Variants in LDB2 observed in about 807,000 individuals in gnomAD.
LDB2 encodes the protein LIM domain binding 2.
LDB2 carries 12 observed loss-of-function variants against 44.3 expected under a neutral mutation model. That is an observed-to-expected ratio of 0.27 (90% CI 0.17 to 0.44). The LOEUF (loss-of-function observed/expected upper bound fraction) is 0.44. Among genes scored for constraint, LDB2 ranks in the 20% least tolerant of loss-of-function variants. The probability of loss-of-function intolerance (pLI) is 1.00; values close to 1 mark genes in which losing one functional copy is unlikely to be tolerated. For missense variants in LDB2, 344 were observed against 473.5 expected, an observed-to-expected ratio of 0.73 and a Z score of 2.54; for synonymous variants, 164 against 174.8, an observed-to-expected ratio of 0.94 and a Z score of 0.49.
intron 5 of LDB2, among the ~76,000 whole-genome samples, chr4:16,514,226 G>T (rs2152246608): frequency 6.6e-6 from 1 of 152,260 alleles, no homozygotes; most frequent in South Asian, 2.1e-4. Flanking sequence ...CCTGTGTCAT[G>T]TAAAACTTTG....
chr4:16,699,853 A>G (rs1753044350), intron 2 of LDB2, among the ~76,000 whole-genome samples: 1 of 152,134 alleles, frequency 6.6e-6, no homozygotes, highest in Admixed American at 6.5e-5. Flanking sequence ...CTCCATTCCC[A>G]ATATGGCGAA....
At chr4:16,512,217 G>T in intron 5 of LDB2, 113 bp from the exon 6 acceptor site, 14 of 1,016,420 alleles carry the variant, frequency 1.4e-5, no homozygotes, top group South Asian at 5.4e-5. Flanking sequence ...TTATTTTCCT[G>T]GTTTTGATTT....
At chr4:16,584,993 C>T (rs1234224639) in intron 5 of LDB2, among the ~76,000 whole-genome samples, 1 of 152,190 alleles carries the variant, frequency 6.6e-6, no homozygotes, top group East Asian at 1.9e-4. Context: ...TCTTTATCTG[C>T]AGGAGGAAGA....
intron 1 of LDB2, among the ~76,000 whole-genome samples, chr4:16,783,260 A>G (rs1259286686): frequency 6.6e-6 from 1 of 152,224 alleles, no homozygotes; most frequent in African/African-American, 2.4e-5. Flanking sequence ...GTCATAGAAG[A>G]GTGATTTATA....
intron 2 of LDB2, among the ~76,000 whole-genome samples, chr4:16,604,915 AATTC>A (rs1191263651): frequency 6.6e-6 from 1 of 152,204 alleles, no homozygotes; most frequent in African/African-American, 2.4e-5. Context: ...CTTATGAATT[AATTC>A]ATTCCTTTCA....
At chr4:16,671,639 A>G (rs1157018954) in intron 2 of LDB2, among the ~76,000 whole-genome samples, 1 of 152,198 alleles carries the variant, frequency 6.6e-6, no homozygotes, top group Non-Finnish European at 1.5e-5. Context: ...ACTTGGACAC[A>G]GAACTCAGAC....
At chr4:16,892,735 A>G (rs892165465) in intron 1 of LDB2, among the ~76,000 whole-genome samples, 2 of 152,180 alleles carry the variant, frequency 1.3e-5, no homozygotes, top group African/African-American at 4.8e-5. Context: ...GGACAATTGT[A>G]ATAAAAAGAG....
chr4:16,726,599 G>C (rs1413033597), intron 2 of LDB2: 1 of 152,172 alleles, frequency 6.6e-6, no homozygotes, highest in East Asian at 1.9e-4. Flanking sequence ...ACGTTCATGT[G>C]CGTTAAGTAA....
intron 2 of LDB2, among the ~76,000 whole-genome samples, chr4:16,728,271 CAAG>C (rs1225266339): frequency 1.3e-5 from 2 of 152,172 alleles, no homozygotes; most frequent in East Asian, 1.9e-4. Flanking sequence ...CTTCATGCAA[CAAG>C]AAGATCTCTT....
chr4:16,786,613 G>A (rs1340789234), intron 1 of LDB2, among the ~76,000 whole-genome samples: 1 of 152,150 alleles, frequency 6.6e-6, no homozygotes, highest in Admixed American at 6.6e-5. Context: ...AGAGAAACTA[G>A]CAAGAGTATA....
chr4:16,657,396 G>T (rs1410250413), intron 2 of LDB2, among the ~76,000 whole-genome samples: 3 of 152,198 alleles, frequency 2.0e-5, no homozygotes, highest in South Asian at 4.2e-4. Context: ...CCACCTAATT[G>T]GTCGTGATGA....
At chr4:16,636,537 T>C (rs1250121656) in intron 2 of LDB2, among the ~76,000 whole-genome samples, 1 of 152,212 alleles carries the variant, frequency 6.6e-6, no homozygotes, top group Non-Finnish European at 1.5e-5. Flanking sequence ...GACAATAAGA[T>C]TGTCATTTAC....
At chr4:16,581,991 GGGAAGGAAGGGAA>G (rs745890223) in intron 5 of LDB2, among the ~76,000 whole-genome samples, 25,628 of 127,348 alleles carry the variant, frequency 0.2, 2,804 homozygotes, top group Middle Eastern at 0.35. Flanking sequence ...AGGGAAGGAA[GGGAAGGAAGGGAA>G]GGAAGGAAGG....
chr4:16,768,887 C>T (rs968878006), intron 1 of LDB2, among the ~76,000 whole-genome samples: 4 of 152,128 alleles, frequency 2.6e-5, no homozygotes, highest in Non-Finnish European at 4.4e-5. Context: ...AAAACTGAGG[C>T]ACTGAGGAGT....
At chr4:16,717,924 G>A (rs577644283) in intron 2 of LDB2, among the ~76,000 whole-genome samples, 6 of 152,164 alleles carry the variant, frequency 3.9e-5, no homozygotes, top group Non-Finnish European at 7.4e-5. Flanking sequence ...CAGTATGACA[G>A]CAATACTTAT....
intron 1 of LDB2, among the ~76,000 whole-genome samples, chr4:16,792,528 G>A (rs1775975803): frequency 1.3e-5 from 2 of 152,170 alleles, no homozygotes; most frequent in South Asian, 4.1e-4. Context: ...GTTGATACCT[G>A]TTGCTGTCTG....
At chr4:16,883,248 G>A (rs1034568614) in intron 1 of LDB2, among the ~76,000 whole-genome samples, 3 of 152,324 alleles carry the variant, frequency 2.0e-5, no homozygotes, top group African/African-American at 7.2e-5. Flanking sequence ...GATGTGACAG[G>A]TTAAAAACAG....
Position 16,508,632 on chromosome 4 carries a change from C to T in LDB2, c.794G>A (p.Ser265Asn). 1 of 1,613,792 alleles carries T rather than the reference C, an allele frequency of 6.2e-7. No individual in the cohort carries two copies. Among genetic ancestry groups the T allele is most frequent in the East Asian group, 2.2e-5 (1 of 44,840 alleles). ...TKRRKRKNST[S>N]STSNSSAGNN... is the part of the protein sequence containing the mutation. ...CCCAGCGCTGCTGTTGGAAGTGCTG[C>T]TGGTGGAATTTTTCCTTTTTCTCCG... Residue 265 changes from serine to asparagine, a missense_variant, in exon 7 of 8, where the codon AGC becomes AAC. By Grantham distance (46) the Ser-to-Asn change is conservative. Transcript: ENST00000304523.
At chr4:16,864,864 G>A (rs1159052703) in intron 1 of LDB2, among the ~76,000 whole-genome samples, 1 of 152,106 alleles carries the variant, frequency 6.6e-6, no homozygotes, top group African/African-American at 2.4e-5. Flanking sequence ...GGCAGAGGTT[G>A]CAGTGAGCAG....
Sources: gnomAD v4.1 joint callset for allele counts (sites outside exome capture counted in the v4.1 genomes callset) on GRCh38, gnomAD v4.1.1 for gene constraint, MANE v1.5 for transcripts, NCBI Gene and HGNC (gene_info 2026-07-23, HGNC 2026-07-21) for gene names.